Variants in LLGL2 observed in about 807,000 individuals in gnomAD.
The protein encoded by LLGL2 is LLGL scribble cell polarity complex component 2.
LLGL2 carries 81 observed loss-of-function variants against 123.2 expected under a neutral mutation model. The observed-to-expected ratio is 0.66, with a 90% confidence interval of 0.55 to 0.79. The LOEUF (loss-of-function observed/expected upper bound fraction) is 0.79. Ranked by LOEUF, LLGL2 falls within the 30% of genes least tolerant of loss-of-function variation. LLGL2 has a pLI of 0.00. For missense variants in LLGL2, 1,273 were observed against 1,414.6 expected, an observed-to-expected ratio of 0.90 and a Z score of 1.61; for synonymous variants, 577 against 594.1, an observed-to-expected ratio of 0.97 and a Z score of 0.42.
At position 75,573,125 on chromosome 17, in the gene LLGL2, G is replaced by T. The variant is rs751634917; in HGVS notation, c.2572G>T (p.Asp858Tyr). The T allele has an allele frequency of 1.2e-6, 2 of 1,613,070 alleles. No individual in the cohort carries two copies. The highest frequency in any genetic ancestry group is 1.7e-5 in the Admixed American group (1 of 60,012). Residue 858 changes from aspartate to tyrosine, a missense_variant, in exon 20 of 26, where the codon GAC becomes TAC. Transcript: ENST00000392550. The part of the protein sequence containing the change: ...VAHFGSRRAE[D>Y]YGEHHLAVLT... The stretch of plus-strand genomic sequence containing the variant: ...CCACTTCGGCAGTCGTCGAGCCGAG[G>T]ACTACGGGGAGCACCACCTGGCAGT...
intron 21 of LLGL2, 28 bp downstream of exon 21, chr17:75,573,659 C>G: frequency 6.7e-7 from 1 of 1,487,132 alleles, no homozygotes; most frequent in Non-Finnish European, 9.0e-7. Context: ...AGGCCTCTCC[C>G]GCCCCTCCCG....
chr17:75,538,879 A>G (rs916661168), intron 1 of LLGL2, among the ~76,000 whole-genome samples: 1 of 151,858 alleles, frequency 6.6e-6, no homozygotes, highest in African/African-American at 2.4e-5. Context: ...GGATCTTCGC[A>G]TCCTCTTTTT....
rs1020651536 is a variant in LLGL2, at chr17:75,525,988, C to G, written c.-31+163C>G. Reference sequence around the variant, plus strand: ...CCCCTGTCCGCGTCGCTGTGCTGGCCTGGAAGAGAGACACCTGTAGAAAGT... The same window carrying G: ...CCCCTGTCCGCGTCGCTGTGCTGGCGTGGAAGAGAGACACCTGTAGAAAGT... On this transcript the variant is annotated intron_variant, in intron 1 of 25. Coordinates refer to ENST00000392550, the MANE Select transcript of LLGL2 (RefSeq NM_001031803.2). The surrounding 1 kb of genome is among the most constrained non-coding windows in gnomAD (Gnocchi z 4.8). Among the ~76,000 whole-genome samples the G allele has an allele frequency of 6.6e-6, 1 of 152,244 alleles. No homozygotes were observed. Among genetic ancestry groups the G allele is most frequent in the East Asian group, 1.9e-4 (1 of 5,172 alleles).
chr17:75,574,306 G>T, intron 23 of LLGL2, 46 bp downstream of exon 23: 2 of 1,485,956 alleles, frequency 1.3e-6, no homozygotes, highest in South Asian at 1.3e-5. Flanking sequence ...GGGTGGGGAA[G>T]GGGGGTCAGG....
intron 1 of LLGL2, among the ~76,000 whole-genome samples, chr17:75,540,560 C>G (rs1248328138): frequency 6.6e-6 from 1 of 152,216 alleles, no homozygotes; most frequent in Non-Finnish European, 1.5e-5. Context: ...CCCAGACTGC[C>G]GGGTCGGCTC....
At chr17:75,572,851 G>C (rs2055786946) in intron 19 of LLGL2, among the ~76,000 whole-genome samples, 163 bp from the exon 20 acceptor site, 1 of 151,928 alleles carries the variant, frequency 6.6e-6, no homozygotes, top group East Asian at 1.9e-4. Flanking sequence ...AGATAGGGAA[G>C]TCGGTGACCT....
At chr17:75,571,164 G>T (rs891418978) in intron 17 of LLGL2, 64 bp downstream of exon 17, 227 of 1,464,194 alleles carry the variant, frequency 1.6e-4, no homozygotes, top group Admixed American at 2.0e-4. Context: ...CCTGACCTGG[G>T]GGCATGCCGG....
chr17:75,554,433 G>A (rs1449169065), intron 2 of LLGL2, among the ~76,000 whole-genome samples: 7 of 151,534 alleles, frequency 4.6e-5, no homozygotes, highest in African/African-American at 1.5e-4. Flanking sequence ...ACAACATGAC[G>A]AGTACCTGTC....
intron 1 of LLGL2, among the ~76,000 whole-genome samples, chr17:75,529,115 G>A (rs980234664): frequency 1.3e-5 from 2 of 149,004 alleles, no homozygotes; most frequent in Non-Finnish European, 3.0e-5. Flanking sequence ...GAGATCGTGC[G>A]ATTGCACTCC....
Position 75,557,034 on chromosome 17 carries a change from CT to C in LLGL2, c.173+916del, listed in dbSNP as rs55649536. Among the ~76,000 whole-genome samples the C allele has an allele frequency of 6.4e-5, 7 of 109,884 alleles. No homozygotes were observed. The East Asian group carries it at 1.1e-3, about 17-fold the overall frequency. The allele number at this position is 109,884 out of a possible 152,430, so 72.1% of individuals were successfully genotyped here. On this transcript the variant is annotated intron_variant, in intron 3 of 25. Coordinates refer to ENST00000392550, the MANE Select transcript of LLGL2 (RefSeq NM_001031803.2). ...ACAGAGTGAGACTCTGTCTCAAAAA[CT>C]TTTTTTTTTTTTTTTTTTTTTTTTG...
intron 1 of LLGL2, among the ~76,000 whole-genome samples, chr17:75,529,899 G>C (rs186889396): frequency 1.6e-4 from 25 of 152,156 alleles, no homozygotes; most frequent in Admixed American, 1.6e-3. Context: ...AAGATTTTTA[G>C]TGTCTTTCTA....
intron 25 of LLGL2, 28 bp downstream of exon 25, chr17:75,574,696 G>C: frequency 6.2e-7 from 1 of 1,606,832 alleles, no homozygotes; most frequent in South Asian, 1.1e-5. Context: ...GAGTGCAGCT[G>C]CCAACCGTGC....
In LLGL2 at chr17:75,569,235, C is replaced by T; in HGVS notation, c.1491C>T (p.Asp497=). The change falls in exon 14 of 26, where the codon GAC becomes GAT. Residue 497 remains aspartate (D), a synonymous_variant. Coordinates refer to ENST00000392550, the MANE Select transcript of LLGL2 (RefSeq NM_001031803.2). ...CCCTTCTCCAGGTGGGCTCCTTTGA[C>T]CCCTACAGTGATGACCCCCGGCTGG... ...WPPLRKVGSF[D]PYSDDPRLGI... is the part of the protein sequence containing the mutation. 2 of 1,613,616 alleles carry T rather than the reference C, an allele frequency of 1.2e-6. No homozygotes were observed. Among genetic ancestry groups the T allele is most frequent in the African/African-American group, 1.3e-5 (1 of 75,046 alleles).
At chr17:75,527,167 C>CAAAAAAA (rs200100321) in intron 1 of LLGL2, among the ~76,000 whole-genome samples, 5 of 129,806 alleles carry the variant, frequency 3.9e-5, no homozygotes, top group African/African-American at 1.4e-4. Flanking sequence ...GACCCTGTCT[C>CAAAAAAA]AAAAAAAAAA....
intron 1 of LLGL2, among the ~76,000 whole-genome samples, chr17:75,528,826 T>TG (rs1353364316): frequency 1.3e-5 from 2 of 151,712 alleles, no homozygotes; most frequent in Admixed American, 1.3e-4. Flanking sequence ...GAGCCCATAG[T>TG]GGGAAAAAGG....
Position 75,558,421 on chromosome 17 carries a change from T to A in LLGL2, c.256-91T>A, listed in dbSNP as rs982619231. The A allele has an allele frequency of 5.7e-6, 7 of 1,219,602 alleles. No individual in the cohort carries two copies. Among genetic ancestry groups the A allele is most frequent in the Non-Finnish European group, 6.9e-6 (6 of 869,712 alleles). 75.5% of individuals were successfully genotyped at this position (1,219,602 alleles called of 1,614,324 possible). ...GGCCACCCTGGGAGTGGCCAGGGGG[T>A]CTTTTAAACAACTGGGGCTGCGTGG... On this transcript the variant is annotated intron_variant, in intron 4 of 25. Transcript: ENST00000392550. The surrounding 1 kb of genome is among the most constrained non-coding windows in gnomAD (Gnocchi z 4.0).
rs1421807869 is a variant in LLGL2 at position 75,569,144 on chromosome 17, GC to G, written c.1476+15del. 3.7e-6 allele frequency: 6 copies of G among 1,613,000 alleles called. No homozygotes were observed. The African/African-American group carries it at 6.7e-5, about 18-fold the overall frequency. ...CCCACTCCGCAAGGTGAGGCCAGGA[GC>G]CTGGGACCCAGGAAGGGCAGAGGCC... On this transcript the variant is annotated intron_variant, in intron 13 of 25. Coordinates refer to ENST00000392550, the MANE Select transcript of LLGL2 (RefSeq NM_001031803.2).
intron 6 of LLGL2, 74 bp from the exon 7 acceptor site, chr17:75,562,942 C>A: frequency 6.4e-7 from 1 of 1,566,852 alleles, no homozygotes; most frequent in Non-Finnish European, 8.7e-7. Context: ...TAGGGAGCCC[C>A]ATGGCTGTGC....
intron 1 of LLGL2, among the ~76,000 whole-genome samples, chr17:75,528,411 G>A (rs1395864765): frequency 2.0e-5 from 3 of 152,126 alleles, no homozygotes; most frequent in Middle Eastern, 3.4e-3. Flanking sequence ...CACCGCGCCC[G>A]GCCTTAAATA....
Sources: allele counts gnomAD v4.1 joint callset (sites outside exome capture counted in the v4.1 genomes callset), GRCh38; gene constraint gnomAD v4.1.1; non-coding constraint Gnocchi (gnomAD v3.1); transcripts MANE v1.5; gene names NCBI Gene and HGNC (gene_info 2026-07-23, HGNC 2026-07-21).